Variants in GSE1 observed in about 807,000 individuals in gnomAD.
GSE1 encodes genetic suppressor element 1.
A neutral mutation model predicts 112.6 loss-of-function variants in GSE1; 32 were observed. That is an observed-to-expected ratio of 0.28 (90% CI 0.21 to 0.38). The LOEUF (loss-of-function observed/expected upper bound fraction) is 0.38. Ranked by LOEUF, GSE1 falls within the 10% of genes least tolerant of loss-of-function variation. GSE1 has a pLI of 1.00. For missense variants in GSE1, 2,348 were observed against 1,699.2 expected (o/e 1.38, Z -6.71); for synonymous variants, 1,115 against 735.6 (o/e 1.52, Z -8.35).
intron 1 of GSE1, among the ~76,000 whole-genome samples, chr16:85,279,204 T>A (rs759093834): frequency 1.3e-5 from 2 of 152,216 alleles, no homozygotes; most frequent in Non-Finnish European, 1.5e-5. Context: ...AGGAGGATGC[T>A]TCAGGCCAAG....
chr16:85,657,513 G>C lies in GSE1; in HGVS notation c.1549G>C (p.Glu517Gln). 1.9e-6 allele frequency: 3 copies of C among 1,605,236 alleles called. No homozygotes were observed. Among genetic ancestry groups the C allele is most frequent in the Non-Finnish European group, 2.6e-6 (3 of 1,176,402 alleles). ...GGAGGACCGGCAGTCTCAGGTGTCC[G>C]AGTTCCGGCAGCAGGTGCTGGAGCA... is the stretch of plus-strand genomic sequence containing the variant. ...EKEDRQSQVSEFRQQVLEQHL... is the reference protein window; with the variant it reads ...EKEDRQSQVSQFRQQVLEQHL... The change falls in exon 8 of 16, where the codon GAG (glutamate) becomes CAG (glutamine). Residue 517 changes from glutamate (E) to glutamine (Q), a missense_variant. Glu to Gln is a conservative substitution (Grantham distance 29). Coordinates refer to ENST00000253458, the MANE Select transcript of GSE1 (RefSeq NM_014615.5).
At chr16:85,480,565 C>A (rs755383655) in intron 2 of GSE1, among the ~76,000 whole-genome samples, 4 of 152,224 alleles carry the variant, frequency 2.6e-5, no homozygotes, top group African/African-American at 9.6e-5. Context: ...CCCCCACCTT[C>A]CCCCGCCACC....
intron 3 of GSE1, among the ~76,000 whole-genome samples, chr16:85,652,959 G>A (rs1453072955): frequency 6.6e-6 from 1 of 151,768 alleles, no homozygotes; most frequent in African/African-American, 2.4e-5. Flanking sequence ...GGAACGTGAG[G>A]AAGGGCCGGG....
chr16:85,374,151 A>G (rs1336934065), intron 2 of GSE1, among the ~76,000 whole-genome samples: 20 of 128,470 alleles, frequency 1.6e-4, no homozygotes, highest in South Asian at 2.6e-4. Context: ...GCGTGGTTGC[A>G]TGTGGCCCTC....
Position 85,654,334 on chromosome 16 carries a change from G to C in GSE1, c.483G>C (p.Pro161=), listed in dbSNP as rs754377675. 5 of 1,611,892 alleles carry C rather than the reference G, an allele frequency of 3.1e-6. No homozygotes were observed. Among genetic ancestry groups the C allele is most frequent in the African/African-American group, 2.7e-5 (2 of 74,962 alleles). Residue 161 remains proline (P), a synonymous_variant, in exon 4 of 16, where the codon CCG becomes CCC. Coordinates refer to ENST00000253458, the MANE Select transcript of GSE1 (RefSeq NM_014615.5). The part of the protein sequence containing the change: ...GGRERLIVEP[P]LPQEKAGGPA... ...GGGAACGCCTCATTGTGGAGCCCCC[G>C]CTCCCTCAGGAGAAGGCAGGGGGAC...
intron 8 of GSE1, among the ~76,000 whole-genome samples, chr16:85,660,921 C>A (rs1273281945): frequency 6.6e-6 from 1 of 152,116 alleles, no homozygotes; most frequent in Non-Finnish European, 1.5e-5. Flanking sequence ...TGAGCCACTG[C>A]GCCCGGCCGA....
At chr16:85,494,063 G>A (rs2051094697) in intron 2 of GSE1, among the ~76,000 whole-genome samples, 1 of 152,250 alleles carries the variant, frequency 6.6e-6, no homozygotes, top group African/African-American at 2.4e-5. Flanking sequence ...GATAAAGTAA[G>A]ACTCTGTCTC....
At chr16:85,667,722 G>T (rs1003376458) in intron 13 of GSE1, among the ~76,000 whole-genome samples, 1 of 152,222 alleles carries the variant, frequency 6.6e-6, no homozygotes, top group Non-Finnish European at 1.5e-5. Context: ...AGCTGGGCAT[G>T]GTGGCACATG....
At chr16:85,550,519 C>T (rs999244425) in intron 2 of GSE1, among the ~76,000 whole-genome samples, 26 of 152,128 alleles carry the variant, frequency 1.7e-4, no homozygotes, top group East Asian at 1.2e-3. Flanking sequence ...AGGTTAGCCA[C>T]GCAGCTTCCC....
At chr16:85,273,624 C>T (rs1329836788) in intron 1 of GSE1, among the ~76,000 whole-genome samples, 1 of 152,118 alleles carries the variant, frequency 6.6e-6, no homozygotes, top group Non-Finnish European at 1.5e-5. Flanking sequence ...GGTCGGAAAG[C>T]AGACTGGTGC....
chr16:85,378,896 G>A (rs1400431722), intron 2 of GSE1, among the ~76,000 whole-genome samples: 2 of 152,170 alleles, frequency 1.3e-5, no homozygotes, highest in Admixed American at 6.5e-5. Flanking sequence ...CAGTACTGAG[G>A]GTGGCCAAAT....
At chr16:85,569,937 G>A (rs1379474997) in intron 1 of GSE1, among the ~76,000 whole-genome samples, 1 of 152,198 alleles carries the variant, frequency 6.6e-6, no homozygotes, top group Non-Finnish European at 1.5e-5. Context: ...CTGAGCCCTA[G>A]GGGGTGGAGG....
At chr16:85,414,744 C>T (rs182746034) in intron 2 of GSE1, among the ~76,000 whole-genome samples, 2 of 152,210 alleles carry the variant, frequency 1.3e-5, no homozygotes, top group East Asian at 1.9e-4. Context: ...AAGCAATTCT[C>T]CTGCCTCAGC....
chr16:85,304,338 A>T (rs2045608081), intron 1 of GSE1, among the ~76,000 whole-genome samples: 1 of 152,158 alleles, frequency 6.6e-6, no homozygotes, highest in South Asian at 2.1e-4. Context: ...GGCTACAGCC[A>T]GGTGGGGAGA....
At chr16:85,320,219 G>A (rs1404099126) in intron 1 of GSE1, among the ~76,000 whole-genome samples, 1 of 152,216 alleles carries the variant, frequency 6.6e-6, no homozygotes, top group Non-Finnish European at 1.5e-5. Context: ...GCCCCACCCA[G>A]CAGGGCCCTG....
chr16:85,440,151 G>T (rs1238947337), intron 2 of GSE1, among the ~76,000 whole-genome samples: 4 of 152,242 alleles, frequency 2.6e-5, no homozygotes, highest in African/African-American at 9.6e-5. Context: ...TGTCGAGTCA[G>T]TGAATGCATG....
chr16:85,463,761 G>T (rs1319853235), intron 2 of GSE1, among the ~76,000 whole-genome samples: 1 of 152,184 alleles, frequency 6.6e-6, no homozygotes, highest in Non-Finnish European at 1.5e-5. Flanking sequence ...CACAGAGCCC[G>T]CCGAGGGTGG....
chr16:85,428,327 G>A (rs1419380205), intron 2 of GSE1, among the ~76,000 whole-genome samples: 1 of 152,242 alleles, frequency 6.6e-6, no homozygotes, highest in Non-Finnish European at 1.5e-5. Context: ...ACGATGGGCA[G>A]AGGCAGGTAG....
At chr16:85,613,518 G>T (rs983805967) in intron 1 of GSE1, 120 bp downstream of exon 1, 27 of 932,994 alleles carry the variant, frequency 2.9e-5, no homozygotes, top group Non-Finnish European at 3.6e-5. Flanking sequence ...CAACTTCCCC[G>T]GAGTGTTAGC....
Sources: allele counts gnomAD v4.1 joint callset (sites outside exome capture counted in the v4.1 genomes callset), GRCh38; gene constraint gnomAD v4.1.1; transcripts MANE v1.5; gene names NCBI Gene and HGNC (gene_info 2026-07-23, HGNC 2026-07-21).